The following DOCK2 variants were observed in gnomAD, a reference collection of about 807,000 sequenced individuals.
DOCK2 encodes dedicator of cytokinesis 2, also known as dedicator of cytokinesis protein 2.
DOCK2 carries 87 observed loss-of-function variants against 248.9 expected under a neutral mutation model. That is an observed-to-expected ratio of 0.35 (90% CI 0.29 to 0.42). DOCK2 has a LOEUF of 0.42. Among genes scored for constraint, DOCK2 ranks in the 10% least tolerant of loss-of-function variants. The pLI is 1.00. For synonymous variants in DOCK2, 805 were observed against 821.6 expected (o/e 0.98, Z 0.35); for missense variants, 1,747 against 2,300.2 (o/e 0.76, Z 4.92).
rs546219498 is a variant in DOCK2 at position 169,833,986 on chromosome 5, C to G, written c.2704-6771C>G. On this transcript the variant is annotated intron_variant, in intron 26 of 51. Coordinates refer to ENST00000520908, the MANE Select transcript of DOCK2 (RefSeq NM_004946.3). ...GTGCTCTCCAGCTAAATGTCCCAACCAGGTCACCCTGCAGTAAGCTCACAG... is the reference window on the plus strand; with the variant it reads ...GTGCTCTCCAGCTAAATGTCCCAACGAGGTCACCCTGCAGTAAGCTCACAG... Among the ~76,000 whole-genome samples, 249 of 151,498 alleles carry G rather than the reference C, an allele frequency of 1.6e-3. 2 individuals are homozygous for G. Among genetic ancestry groups the G allele is most frequent in the African/African-American group, 5.8e-3 (240 of 41,282 alleles).
At chr5:169,883,596 G>T in intron 27 of DOCK2, 2 of 1,551,654 alleles carry the variant, frequency 1.3e-6, no homozygotes, top group South Asian at 2.4e-5. Flanking sequence ...TCCTGAGACT[G>T]GGGGAAGTTT....
At chr5:169,834,858 C>G (rs1484374059) in intron 26 of DOCK2, among the ~76,000 whole-genome samples, 1 of 152,184 alleles carries the variant, frequency 6.6e-6, no homozygotes, top group East Asian at 1.9e-4. Context: ...AGAGTGAAAA[C>G]AAGCAAACAG....
At chr5:169,693,792 G>T (rs752360265) in intron 9 of DOCK2, among the ~76,000 whole-genome samples, 1 of 152,142 alleles carries the variant, frequency 6.6e-6, no homozygotes, top group Non-Finnish European at 1.5e-5. Context: ...CTAAAGGCAG[G>T]CTGGCAGGCT....
At chr5:169,948,266 T>C (rs888901445) in intron 27 of DOCK2, among the ~76,000 whole-genome samples, 5 of 151,518 alleles carry the variant, frequency 3.3e-5, no homozygotes, top group African/African-American at 7.3e-5. Context: ...ACAGAGCTTA[T>C]ATTTTAGTAG....
chr5:169,930,184 G>T (rs137960442), intron 27 of DOCK2, among the ~76,000 whole-genome samples: 1 of 152,074 alleles, frequency 6.6e-6, no homozygotes, highest in African/African-American at 2.4e-5. Flanking sequence ...AGAGATGGGG[G>T]TTTCACCATG....
chr5:170,063,082 TAGCTCTGGG>T (rs1441627330), intron 44 of DOCK2, among the ~76,000 whole-genome samples: 1 of 151,964 alleles, frequency 6.6e-6, no homozygotes, highest in East Asian at 1.9e-4. Context: ...CTAAACACCT[TAGCTCTGGG>T]AGCAGAGGGG....
chr5:169,672,989 C>T (rs541870982), intron 5 of DOCK2, among the ~76,000 whole-genome samples: 1 of 152,346 alleles, frequency 6.6e-6, no homozygotes, highest in South Asian at 2.1e-4. Context: ...GATGTGTTCA[C>T]CTTCTGGGAA....
chr5:169,753,984 G>C (rs750895412), intron 23 of DOCK2, among the ~76,000 whole-genome samples: 1 of 152,184 alleles, frequency 6.6e-6, no homozygotes, highest in Non-Finnish European at 1.5e-5. Flanking sequence ...TTGAATGCCT[G>C]TGGCTCTTGA....
At chr5:169,862,473 G>A (rs1771265816) in intron 27 of DOCK2, among the ~76,000 whole-genome samples, 1 of 152,086 alleles carries the variant, frequency 6.6e-6, no homozygotes, top group South Asian at 2.1e-4. Flanking sequence ...TTCCATTGCT[G>A]GGGCCAACTG....
chr5:169,736,922 G>A (rs1763069247), intron 22 of DOCK2, among the ~76,000 whole-genome samples: 2 of 152,098 alleles, frequency 1.3e-5, no homozygotes, highest in African/African-American at 4.8e-5. Flanking sequence ...ATATCGAGTA[G>A]GCCACTATGC....
rs1437608226 is a variant in DOCK2 at position 169,732,029 on chromosome 5, G to T, written c.2267+13238G>T. 5.9e-5 allele frequency among the ~76,000 whole-genome samples: 9 copies of T among 152,270 alleles called. No homozygotes were observed. In the East Asian group the frequency reaches 1.4e-3, roughly 23 times the overall value. On this transcript the variant is annotated intron_variant, in intron 22 of 51. Transcript: ENST00000520908. ...AGCTACTCGGGAAGCTGAGGCAGGAGAATCACTTCAACCCGGGAGGCAGAA... is the reference window on the plus strand; with the variant it reads ...AGCTACTCGGGAAGCTGAGGCAGGATAATCACTTCAACCCGGGAGGCAGAA...
intron 25 of DOCK2, among the ~76,000 whole-genome samples, chr5:169,780,171 G>A (rs751229139): frequency 3.9e-5 from 6 of 152,130 alleles, no homozygotes; most frequent in African/African-American, 7.2e-5. Context: ...CCCATCCAGC[G>A]TGAGCCCAGT....
At chr5:169,994,500 A>G (rs190057092) in intron 29 of DOCK2, among the ~76,000 whole-genome samples, 1 of 152,288 alleles carries the variant, frequency 6.6e-6, no homozygotes, top group Non-Finnish European at 1.5e-5. Flanking sequence ...GTGTGCTCAT[A>G]GGAGGGGTGC....
intron 7 of DOCK2, among the ~76,000 whole-genome samples, chr5:169,683,558 G>A (rs1759787580): frequency 1.3e-5 from 2 of 152,144 alleles, no homozygotes; most frequent in South Asian, 4.1e-4. Context: ...AGCAATATAT[G>A]AGAGCTTTAG....
chr5:169,862,640 A>G (rs1050142078), intron 27 of DOCK2, among the ~76,000 whole-genome samples: 2 of 152,260 alleles, frequency 1.3e-5, no homozygotes, highest in African/African-American at 2.4e-5. Context: ...GGGCTTAAAC[A>G]TTACACTAGA....
chr5:170,065,084 T>C (rs1757446505), intron 44 of DOCK2, among the ~76,000 whole-genome samples: 1 of 152,136 alleles, frequency 6.6e-6, no homozygotes. Context: ...TAGAAATTAT[T>C]TTTCATGTAA....
chr5:169,844,079 T>C (rs1166131008), intron 27 of DOCK2, among the ~76,000 whole-genome samples: 3 of 152,240 alleles, frequency 2.0e-5, no homozygotes, highest in African/African-American at 7.2e-5. Context: ...GGAGTGGAAT[T>C]GCTGGGGCAT....
chr5:170,016,093 C>T (rs1175112689), intron 32 of DOCK2, among the ~76,000 whole-genome samples: 2 of 152,146 alleles, frequency 1.3e-5, no homozygotes, highest in Admixed American at 6.5e-5. Context: ...TCCACCCACA[C>T]CCCCCTGAGC....
chr5:169,722,767 C>G (rs1237645558), intron 22 of DOCK2, among the ~76,000 whole-genome samples: 1 of 152,046 alleles, frequency 6.6e-6, no homozygotes, highest in Admixed American at 6.5e-5. Context: ...GTGCTTTTTT[C>G]AAAAACTCAG....
Sources: gnomAD v4.1 joint callset for allele counts (sites outside exome capture counted in the v4.1 genomes callset) on GRCh38, gnomAD v4.1.1 for gene constraint, MANE v1.5 for transcripts, NCBI Gene and HGNC (gene_info 2026-07-23, HGNC 2026-07-21) for gene names.